TFG: variants seen among roughly 807,000 people sequenced by gnomAD.
TFG encodes protein TFG.
A neutral mutation model predicts 51.4 loss-of-function variants in TFG; 22 were observed. That is an observed-to-expected ratio of 0.43 (90% CI 0.31 to 0.61). The LOEUF is 0.61. Among genes scored for constraint, TFG ranks in the 20% least tolerant of loss-of-function variants. The pLI, the probability that TFG is intolerant of heterozygous loss-of-function variation, is 0.12. For missense variants in TFG, 419 were observed against 487.7 expected (o/e 0.86, Z 1.33); for synonymous variants, 187 against 165.6 (o/e 1.13, Z -0.99).
chr3:100,728,987 A>G, intron 4 of TFG, 129 bp downstream of exon 4: 1 of 763,842 alleles, frequency 1.3e-6, no homozygotes, highest in Non-Finnish European at 2.0e-6. Context: ...CTGCCTCTCT[A>G]CTAGTATTTA....
At chr3:100,716,701 G>A (rs1026623133) in intron 2 of TFG, among the ~76,000 whole-genome samples, 1 of 152,054 alleles carries the variant, frequency 6.6e-6, no homozygotes, top group Non-Finnish European at 1.5e-5. Context: ...GCCAGCATTT[G>A]TTATTTATCT....
intron 7 of TFG, among the ~76,000 whole-genome samples, chr3:100,746,282 C>T (rs1302889876): frequency 6.6e-6 from 1 of 152,122 alleles, no homozygotes; most frequent in Non-Finnish European, 1.5e-5. Flanking sequence ...TGTGGGGCCC[C>T]ATTCCCAGAG....
intron 7 of TFG, chr3:100,747,329 AATTC>A (rs1297075023): frequency 6.9e-6 from 1 of 145,686 alleles, no homozygotes; most frequent in Non-Finnish European, 1.5e-5. Flanking sequence ...AATATACTCA[AATTC>A]ATTCAATCCT....
intron 3 of TFG, among the ~76,000 whole-genome samples, chr3:100,725,276 A>G (rs1216540397): frequency 1.3e-5 from 2 of 152,150 alleles, no homozygotes; most frequent in African/African-American, 2.4e-5. Flanking sequence ...CTAATATAAA[A>G]GGATTATAAA....
chr3:100,713,530 C>CCATA, intron 1 of TFG, 113 bp from the exon 2 acceptor site: 1 of 437,858 alleles, frequency 2.3e-6, no homozygotes, highest in Non-Finnish European at 4.0e-6. Flanking sequence ...AATATGGTAA[C>CCATA]ATGGGGATAA....
At chr3:100,714,876 A>G (rs2095041278) in intron 2 of TFG, among the ~76,000 whole-genome samples, 1 of 152,220 alleles carries the variant, frequency 6.6e-6, no homozygotes, top group African/African-American at 2.4e-5. Context: ...TGAATGAAAA[A>G]TGTTTCGGCA....
At chr3:100,719,274 T>TC (rs1284741772) in intron 2 of TFG, among the ~76,000 whole-genome samples, 1 of 152,218 alleles carries the variant, frequency 6.6e-6, no homozygotes, top group Non-Finnish European at 1.5e-5. Flanking sequence ...CCTGATGAAC[T>TC]CCTTGTCTCT....
chr3:100,723,659 A>G (rs764609228), intron 3 of TFG, among the ~76,000 whole-genome samples: 1 of 152,196 alleles, frequency 6.6e-6, no homozygotes, highest in Non-Finnish European at 1.5e-5. Context: ...ATAATTCACT[A>G]GGACTATATA....
intron 4 of TFG, among the ~76,000 whole-genome samples, chr3:100,730,062 A>G (rs1310157470): frequency 1.3e-5 from 2 of 152,202 alleles, no homozygotes; most frequent in African/African-American, 2.4e-5. Context: ...AAAATTTCCA[A>G]TTTTAGATCA....
At chr3:100,724,024 G>C (rs951278395) in intron 3 of TFG, among the ~76,000 whole-genome samples, 1 of 152,012 alleles carries the variant, frequency 6.6e-6, no homozygotes, top group Admixed American at 6.5e-5. Context: ...TTTTAAATAA[G>C]TCAAAGAAGA....
Position 100,746,907 on chromosome 3 carries a change from A to G in TFG, c.821-1242A>G, listed in dbSNP as rs1399848802. 2.0e-5 allele frequency among the ~76,000 whole-genome samples: 3 copies of G among 152,220 alleles called. No homozygotes were observed. In the East Asian group the frequency reaches 5.8e-4, roughly 29 times the overall value. ...AAAATTTAAGTTTTATGTAGAGGAT[A>G]GGAGAACTTGTATGACATTCAGAAT... is the stretch of plus-strand genomic sequence containing the variant. On this transcript the variant is annotated intron_variant, in intron 7 of 7. Transcript: ENST00000240851.
chr3:100,725,767 T>A (rs2095073843), intron 3 of TFG, among the ~76,000 whole-genome samples: 1 of 152,058 alleles, frequency 6.6e-6, no homozygotes, highest in Non-Finnish European at 1.5e-5. Flanking sequence ...CATTACAGTC[T>A]GGGTGACAGA....
In TFG at chr3:100,726,118, G is replaced by A. The variant is rs117615600; in HGVS notation, c.269-2594G>A. 3.9e-4 allele frequency among the ~76,000 whole-genome samples: 60 copies of A among 152,290 alleles called. No individual in the cohort carries two copies. In the East Asian group the frequency reaches 0.011, roughly 29 times the overall value. Reference sequence around the variant, plus strand: ...GAAAACCAGGGAAGCTGATAGTGCAGCCTTTGTCTGTTGCCAAAGGCCTGA... The same window carrying A: ...GAAAACCAGGGAAGCTGATAGTGCAACCTTTGTCTGTTGCCAAAGGCCTGA... On this transcript the variant is annotated intron_variant, in intron 3 of 7. Transcript: ENST00000240851.
intron 5 of TFG, among the ~76,000 whole-genome samples, chr3:100,734,801 T>A (rs2095102109): frequency 6.6e-6 from 1 of 152,216 alleles, no homozygotes; most frequent in African/African-American, 2.4e-5. Flanking sequence ...TTAAATGTAG[T>A]ATATTCCAGA....
At chr3:100,745,948 A>G (rs1397048545) in intron 7 of TFG, among the ~76,000 whole-genome samples, 5 of 152,208 alleles carry the variant, frequency 3.3e-5, no homozygotes, top group Admixed American at 3.3e-4. Context: ...TTTACAGAAA[A>G]GTTTGCTGAC....
intron 4 of TFG, 48 bp from the exon 5 acceptor site, chr3:100,732,460 T>C (rs750797278): frequency 6.9e-7 from 1 of 1,448,280 alleles, no homozygotes; most frequent in Non-Finnish European, 9.5e-7. Flanking sequence ...CCTTACTGAA[T>C]ATAGATAAAA....
In TFG at chr3:100,748,888, T is replaced by C; in HGVS notation, c.*357T>C. 4.1e-6 allele frequency: 1 copy of C among 243,924 alleles called. No homozygotes were observed. The highest frequency in any genetic ancestry group is 2.2e-5 in the African/African-American group (1 of 45,272). 15.1% of individuals were successfully genotyped at this position (243,924 alleles called of 1,614,324 possible). ...TTACTATTAACATGATGTACTAAAG[T>C]AGAGCCCTTTGAGAATACAAGATAT... On this transcript the variant is annotated 3_prime_UTR_variant, in exon 8 of 8. Coordinates refer to ENST00000240851, the MANE Select transcript of TFG (RefSeq NM_006070.6).
intron 5 of TFG, among the ~76,000 whole-genome samples, chr3:100,735,497 TG>T (rs1236419779): frequency 6.6e-6 from 1 of 152,196 alleles, no homozygotes; most frequent in East Asian, 1.9e-4. Flanking sequence ...GTATATCCTT[TG>T]TACAGATGAG....
At chr3:100,737,073 C>A (rs1213656284) in intron 6 of TFG, among the ~76,000 whole-genome samples, 2 of 152,016 alleles carry the variant, frequency 1.3e-5, no homozygotes, top group Non-Finnish European at 2.9e-5. Flanking sequence ...TCTTCAACAT[C>A]TGTGCATGAT....
Sources: allele counts gnomAD v4.1 joint callset (sites outside exome capture counted in the v4.1 genomes callset), GRCh38; gene constraint gnomAD v4.1.1; transcripts MANE v1.5; gene names NCBI Gene and HGNC (gene_info 2026-07-23, HGNC 2026-07-21).